MARK3: variants seen among roughly 807,000 people sequenced by gnomAD.
MARK3 encodes the protein MAP/microtubule affinity-regulating kinase 3.
Under a neutral mutation model 90.1 loss-of-function variants are expected in MARK3, and 46 were observed. That is an observed-to-expected ratio of 0.51 (90% CI 0.40 to 0.65). The LOEUF (loss-of-function observed/expected upper bound fraction) is 0.65, where lower values mean the gene tolerates loss of function less well. MARK3 is among the 30% of genes least tolerant of loss of function. The pLI, the probability that MARK3 is intolerant of heterozygous loss-of-function variation, is 0.00. For missense variants in MARK3, 818 were observed against 947.2 expected (o/e 0.86, Z 1.79); for synonymous variants, 321 against 332.6 (o/e 0.97, Z 0.38).
intron 14 of MARK3, 101 bp downstream of exon 14, chr14:103,480,591 C>G (rs1398698372): frequency 1.5e-5 from 10 of 683,414 alleles, no homozygotes; most frequent in Non-Finnish European, 2.3e-5. Context: ...CAAATTAAAA[C>G]TGTAAGTATT....
chr14:103,451,820 G>A (rs1311841601), intron 4 of MARK3, 98 bp from the exon 5 acceptor site: 8 of 752,442 alleles, frequency 1.1e-5, no homozygotes, highest in African/African-American at 7.3e-5. Flanking sequence ...ATCTTTAACA[G>A]GGAAAAGGTT....
chr14:103,400,041 G>A (rs1338113349), intron 1 of MARK3, among the ~76,000 whole-genome samples: 1 of 151,616 alleles, frequency 6.6e-6, no homozygotes, highest in Non-Finnish European at 1.5e-5. Flanking sequence ...CGATTCTCAT[G>A]CCTCAGTCTT....
At chr14:103,451,831 G>A in intron 4 of MARK3, 87 bp from the exon 5 acceptor site, 2 of 837,840 alleles carry the variant, frequency 2.4e-6, no homozygotes, top group Non-Finnish European at 3.7e-6. Context: ...GGAAAAGGTT[G>A]CTTTTCATAG....
chr14:103,473,145 G>T (rs974420806), intron 12 of MARK3, among the ~76,000 whole-genome samples: 19 of 152,204 alleles, frequency 1.2e-4, no homozygotes, highest in Admixed American at 2.6e-4. Context: ...CAGAATTCTA[G>T]AGATGGCGAG....
chr14:103,502,964 A>C lies in MARK3; in HGVS notation c.1999A>C (p.Thr667Pro). ...SLRFTWSMKT[T>P]SSMDPGDMMR... is the part of the protein sequence containing the mutation. ...ACGCTTCACCTGGAGCATGAAAACC[A>C]CTAGTTCAATGGATCCCGGGGACAT... is the stretch of plus-strand genomic sequence containing the variant. Residue 667 changes from threonine (T) to proline (P), a missense_variant, in exon 18 of 18, where the codon ACT becomes CCT. This residue lies in a region of MARK3 where 560 missense variants were observed against 613.5 expected (regional missense o/e 0.91). Transcript: ENST00000429436. 1 of 1,614,280 alleles carries C rather than the reference A, an allele frequency of 6.2e-7. No homozygotes were observed. Among genetic ancestry groups the C allele is most frequent in the Non-Finnish European group, 8.5e-7 (1 of 1,180,054 alleles).
intron 1 of MARK3, among the ~76,000 whole-genome samples, chr14:103,400,335 A>G (rs1425820861): frequency 1.3e-5 from 2 of 152,206 alleles, no homozygotes; most frequent in African/African-American, 4.8e-5. Flanking sequence ...CCAGATGGCT[A>G]TCTCTAGCTG....
Position 103,451,908 on chromosome 14 carries a change from T to A in MARK3, c.347-10T>A, listed in dbSNP as rs1327327187. The A allele has an allele frequency of 6.2e-7, 1 of 1,604,386 alleles. No individual in the cohort carries two copies. The highest frequency in any genetic ancestry group is 1.7e-5 in the Admixed American group (1 of 59,240). On this transcript the variant is annotated splice_polypyrimidine_tract_variant and intron_variant, in intron 4 of 17. Coordinates refer to ENST00000429436, the MANE Select transcript of MARK3 (RefSeq NM_001128918.3). ...TCTCTTTTTCTTCCGTGTCCTCTCC[T>A]CTCCCGCAGTGAAGTTATTCGAAGT...
intron 3 of MARK3, among the ~76,000 whole-genome samples, chr14:103,443,774 C>CT (rs1380250300): frequency 6.6e-6 from 1 of 151,684 alleles, no homozygotes; most frequent in Non-Finnish European, 1.5e-5. Flanking sequence ...TTTTTTTTTC[C>CT]TTTTTTACAC....
intron 2 of MARK3, among the ~76,000 whole-genome samples, chr14:103,411,537 A>G (rs1435265480): frequency 1.3e-5 from 2 of 152,026 alleles, no homozygotes; most frequent in East Asian, 1.9e-4. Flanking sequence ...ATTTAGTCCT[A>G]TACCCATACT....
intron 3 of MARK3, among the ~76,000 whole-genome samples, chr14:103,439,919 G>T (rs2092809562): frequency 6.6e-6 from 1 of 151,292 alleles, no homozygotes; most frequent in African/African-American, 2.4e-5. Flanking sequence ...AAAGTATCTG[G>T]GATTACAGGT....
In MARK3 at chr14:103,456,731, G is replaced by A. The variant is rs766292671; in HGVS notation, c.413-411G>A. 1.7e-3 allele frequency among the ~76,000 whole-genome samples: 266 copies of A among 152,322 alleles called. 3 individuals carry two copies. Among genetic ancestry groups the A allele is most frequent in the Non-Finnish European group, 3.1e-3 (214 of 68,028 alleles). On this transcript the variant is annotated intron_variant, in intron 5 of 17. Coordinates refer to ENST00000429436, the MANE Select transcript of MARK3 (RefSeq NM_001128918.3). ...CTAGAACAGTGCCTTGCAGTTAGTA[G>A]ACATTCAGGAAATATTTGTTGAATG...
intron 6 of MARK3, chr14:103,458,883 T>C: frequency 2.0e-6 from 1 of 498,588 alleles, no homozygotes; most frequent in East Asian, 3.2e-5. Context: ...AATTCAAATC[T>C]AGTAAAACCA....
chr14:103,386,167 C>A, intron 1 of MARK3, 87 bp downstream of exon 1: 1 of 1,267,722 alleles, frequency 7.9e-7, no homozygotes, highest in Non-Finnish European at 1.2e-6. Flanking sequence ...GTGTTCCCCC[C>A]AGCCGAACGC....
At chr14:103,493,893 A>T (rs1451911095) in intron 15 of MARK3, among the ~76,000 whole-genome samples, 3 of 150,200 alleles carry the variant, frequency 2.0e-5, no homozygotes, top group Admixed American at 6.6e-5. Flanking sequence ...AAAAAAAAAA[A>T]CTTTGAGTTT....
At chr14:103,412,173 A>T in intron 2 of MARK3, 1 of 1,401,724 alleles carries the variant, frequency 7.1e-7, no homozygotes, top group Non-Finnish European at 9.8e-7. Flanking sequence ...AGGCCCGGAC[A>T]TTCTGCCAGT....
chr14:103,494,985 A>G (rs1430071810), intron 15 of MARK3, among the ~76,000 whole-genome samples: 2 of 152,216 alleles, frequency 1.3e-5, no homozygotes, highest in African/African-American at 2.4e-5. Flanking sequence ...ATAAATATGT[A>G]TGTACATTAT....
intron 15 of MARK3, among the ~76,000 whole-genome samples, chr14:103,494,837 A>G (rs979996681): frequency 6.6e-6 from 1 of 152,080 alleles, no homozygotes; most frequent in Non-Finnish European, 1.5e-5. Context: ...CGGTTTTATC[A>G]TGTTGGCCAG....
chr14:103,401,165 G>A (rs1413062029), intron 1 of MARK3, among the ~76,000 whole-genome samples: 1 of 151,744 alleles, frequency 6.6e-6, no homozygotes, highest in Non-Finnish European at 1.5e-5. Flanking sequence ...AAAATGAAGG[G>A]CAAATGGAAG....
At chr14:103,496,941 C>T (rs913777431) in intron 15 of MARK3, among the ~76,000 whole-genome samples, 1 of 152,016 alleles carries the variant, frequency 6.6e-6, no homozygotes, top group Non-Finnish European at 1.5e-5. Context: ...ACTTGAGAGG[C>T]TGAGGCAGGA....
Sources: gnomAD v4.1 joint callset for allele counts (sites outside exome capture counted in the v4.1 genomes callset) on GRCh38, gnomAD v4.1.1 for gene constraint, gnomAD v4.1.1 regional missense constraint, MANE v1.5 for transcripts, NCBI Gene and HGNC (gene_info 2026-07-23, HGNC 2026-07-21) for gene names.